Variants in HIVEP3 observed in about 807,000 individuals in gnomAD.
The protein encoded by HIVEP3 is HIVEP zinc finger 3.
HIVEP3 carries 49 observed loss-of-function variants against 152.8 expected under a neutral mutation model. The observed-to-expected ratio is 0.32, with a 90% CI of 0.26 to 0.41. HIVEP3 has a LOEUF of 0.41. HIVEP3 is among the 10% of genes least tolerant of loss of function. The probability of loss-of-function intolerance (pLI) is 1.00; values close to 1 mark genes in which losing one functional copy is unlikely to be tolerated. For missense variants in HIVEP3, 2,790 were observed against 3,103.3 expected (o/e 0.90, Z 2.40); for synonymous variants, 1,269 against 1,289.0 (o/e 0.98, Z 0.33).
At chr1:41,620,622 C>A (rs370102162) in intron 3 of HIVEP3, among the ~76,000 whole-genome samples, 1 of 152,170 alleles carries the variant, frequency 6.6e-6, no homozygotes, top group African/African-American at 2.4e-5. Flanking sequence ...CTGCCCCACC[C>A]AGCACGCCCC....
At chr1:41,639,474 A>C (rs1238039644) in intron 2 of HIVEP3, among the ~76,000 whole-genome samples, 1 of 152,258 alleles carries the variant, frequency 6.6e-6, no homozygotes, top group Non-Finnish European at 1.5e-5. Context: ...CACGTGGATC[A>C]GATGCGACAA....
intron 5 of HIVEP3, among the ~76,000 whole-genome samples, chr1:41,534,070 C>A (rs2149064625): frequency 1.3e-5 from 2 of 152,276 alleles, no homozygotes; most frequent in South Asian, 4.1e-4. Context: ...ATGCTACATG[C>A]AATGCATGCT....
At position 41,779,147 on chromosome 1, in the gene HIVEP3, C is replaced by T. The variant is rs114658184; in HGVS notation, c.-800-78152G>A. 6.8e-3 allele frequency among the ~76,000 whole-genome samples: 1,037 copies of T among 152,336 alleles called. 11 individuals carry two copies. Among genetic ancestry groups the T allele is most frequent in the African/African-American group, 0.024 (995 of 41,570 alleles). ...GTGCCCACCTGCCTGGATCACTTGCCTTCCTCCCACCCCCTCCTGCTGTCC... is the reference window on the plus strand; with the variant it reads ...GTGCCCACCTGCCTGGATCACTTGCTTTCCTCCCACCCCCTCCTGCTGTCC... On this transcript the variant is annotated intron_variant, in intron 1 of 8. Transcript: ENST00000372583.
intron 1 of HIVEP3, among the ~76,000 whole-genome samples, chr1:41,862,189 G>C (rs543427968): frequency 1.3e-5 from 2 of 152,312 alleles, no homozygotes; most frequent in South Asian, 4.1e-4. Context: ...TCAAAGGGGA[G>C]TTAACAAGTT....
intron 2 of HIVEP3, among the ~76,000 whole-genome samples, chr1:41,672,620 G>A (rs971103402): frequency 2.0e-5 from 3 of 152,190 alleles, no homozygotes; most frequent in South Asian, 2.1e-4. Flanking sequence ...GGTTTGATGA[G>A]CTTAATTTGT....
chr1:41,756,014 C>T (rs894425941), intron 1 of HIVEP3, among the ~76,000 whole-genome samples: 5 of 152,202 alleles, frequency 3.3e-5, no homozygotes, highest in African/African-American at 7.2e-5. Flanking sequence ...ATTGTGTGCA[C>T]GTAATCTGTA....
chr1:41,580,167 C>A lies in HIVEP3; in HGVS notation c.4631G>T (p.Arg1544Ile). Reference sequence around the variant, plus strand: ...CTTCACGCTCAGTGGGGTCAACCCTCTTCGGTGAGGTTTGCCAGATGGCTG... The same window carrying A: ...CTTCACGCTCAGTGGGGTCAACCCTATTCGGTGAGGTTTGCCAGATGGCTG... ...YPQPSGKPHRRGLTPLSVKKE... is the reference protein window; with the variant it reads ...YPQPSGKPHRIGLTPLSVKKE... Residue 1544 changes from arginine to isoleucine, a missense_variant, in exon 4 of 9, where the codon AGA becomes ATA. Physicochemically the swap from Arg to Ile is moderately conservative, Grantham distance 97. Coordinates refer to ENST00000372583, the MANE Select transcript of HIVEP3 (RefSeq NM_024503.5). The A allele has an allele frequency of 6.2e-7, 1 of 1,612,984 alleles. No homozygotes were observed. The highest frequency in any genetic ancestry group is 1.1e-5 in the South Asian group (1 of 90,964).
At chr1:42,017,393 C>G (rs141413197) in intron 1 of HIVEP3, among the ~76,000 whole-genome samples, 3 of 151,898 alleles carry the variant, frequency 2.0e-5, no homozygotes, top group Non-Finnish European at 2.9e-5. Context: ...CAAAATAACC[C>G]CATCCCATAC....
chr1:41,709,123 T>C (rs7544870), intron 1 of HIVEP3, among the ~76,000 whole-genome samples: 15,739 of 152,122 alleles, frequency 0.1, 2,689 homozygotes, highest in African/African-American at 0.36. Context: ...ACCCATGGCC[T>C]TGGGTCATGA....
intron 1 of HIVEP3, among the ~76,000 whole-genome samples, chr1:41,723,790 T>C (rs555311068): frequency 1.3e-5 from 2 of 152,236 alleles, no homozygotes; most frequent in East Asian, 3.9e-4. Flanking sequence ...GAGTGAAACA[T>C]CTCAGCACAG....
At chr1:41,822,583 C>A (rs1485432782) in intron 1 of HIVEP3, among the ~76,000 whole-genome samples, 2 of 152,172 alleles carry the variant, frequency 1.3e-5, no homozygotes, top group Non-Finnish European at 2.9e-5. Context: ...TGGCCTAGGT[C>A]TCAGGATGCA....
chr1:41,706,470 C>T (rs896857684), intron 1 of HIVEP3, among the ~76,000 whole-genome samples: 6 of 152,092 alleles, frequency 3.9e-5, no homozygotes, highest in African/African-American at 9.7e-5. Flanking sequence ...TTAGTAGAAG[C>T]GGGGTTTCAG....
chr1:41,814,738 T>G (rs1176147646), intron 1 of HIVEP3, among the ~76,000 whole-genome samples: 1 of 152,234 alleles, frequency 6.6e-6, no homozygotes, highest in Non-Finnish European at 1.5e-5. Context: ...TCCACAAATA[T>G]TTATGTTTCC....
At chr1:42,031,531 T>G (rs1045125974) in intron 1 of HIVEP3, among the ~76,000 whole-genome samples, 7 of 152,224 alleles carry the variant, frequency 4.6e-5, no homozygotes, top group Non-Finnish European at 1.0e-4. Flanking sequence ...TACAGGATGT[T>G]CAGCCACACC....
At chr1:41,822,195 CCT>C (rs1322054508) in intron 1 of HIVEP3, among the ~76,000 whole-genome samples, 4 of 152,166 alleles carry the variant, frequency 2.6e-5, no homozygotes, top group African/African-American at 9.7e-5. Context: ...GATCTCTCAT[CCT>C]CCAGGGCCTC....
At chr1:41,938,765 T>C (rs1645032168) in intron 1 of HIVEP3, among the ~76,000 whole-genome samples, 1 of 152,212 alleles carries the variant, frequency 6.6e-6, no homozygotes, top group South Asian at 2.1e-4. Flanking sequence ...TGGTTCTTAG[T>C]CTCATTCTCA....
chr1:41,574,926 A>G (rs939457822), intron 5 of HIVEP3, among the ~76,000 whole-genome samples: 1 of 152,246 alleles, frequency 6.6e-6, no homozygotes, highest in African/African-American at 2.4e-5. Flanking sequence ...TGAAGCTGTG[A>G]GCTCTGAAAC....
At position 41,511,447 on chromosome 1, in the gene HIVEP3, T is replaced by C. The variant is rs1025637085; in HGVS notation, c.6406-181A>G. Among the ~76,000 whole-genome samples, 3 of 152,092 alleles carry C rather than the reference T, an allele frequency of 2.0e-5. No individual in the cohort carries two copies. The highest frequency in any genetic ancestry group is 2.9e-5 in the Non-Finnish European group (2 of 68,020). On this transcript the variant is annotated intron_variant, in intron 8 of 8. Transcript: ENST00000372583. This position sits in a 1 kb window ranked among gnomAD's most constrained non-coding sequence, Gnocchi z 4.9. ...CCCACAGATGCTGAGCCAGCTGCCA[T>C]CTCTGGAATGGGCCATCTCCAGCTC...
In HIVEP3 at chr1:41,662,751, C is replaced by T. The variant is rs1645736978; in HGVS notation, c.-720-33804G>A. 6.6e-6 allele frequency among the ~76,000 whole-genome samples: 1 copy of T among 151,912 alleles called. No homozygotes were observed. The highest frequency in any genetic ancestry group is 2.0e-4 in the East Asian group (1 of 5,122). ...TCCGGCGCTGTCTTTTCCTCCTGGG[C>T]CCTCTAGGGAGGGCAGACAGGGAAG... On this transcript the variant is annotated intron_variant, in intron 2 of 8. Coordinates refer to ENST00000372583, the MANE Select transcript of HIVEP3 (RefSeq NM_024503.5). This position sits in a 1 kb window ranked among gnomAD's most constrained non-coding sequence, Gnocchi z 7.2.
Sources: allele counts gnomAD v4.1 joint callset (sites outside exome capture counted in the v4.1 genomes callset), GRCh38; gene constraint gnomAD v4.1.1; non-coding constraint Gnocchi (gnomAD v3.1); transcripts MANE v1.5; gene names NCBI Gene and HGNC (gene_info 2026-07-23, HGNC 2026-07-21).